Variants in CMSS1 observed in about 807,000 individuals in gnomAD.
CMSS1 encodes the protein protein CMSS1.
Under a neutral mutation model 43.5 loss-of-function variants are expected in CMSS1, and 33 were observed. The observed-to-expected ratio is 0.76, with a 90% CI of 0.57 to 1.01. The LOEUF (loss-of-function observed/expected upper bound fraction) is 1.01. Among genes scored for constraint, CMSS1 ranks in the 50% least tolerant of loss-of-function variants. CMSS1 has a pLI of 0.00. For missense variants in CMSS1, 313 were observed against 326.4 expected (o/e 0.96, Z 0.32); for synonymous variants, 115 against 117.2 (o/e 0.98, Z 0.12).
chr3:99,966,155 T>C (rs1708645184), intron 1 of CMSS1, among the ~76,000 whole-genome samples: 1 of 152,164 alleles, frequency 6.6e-6, no homozygotes, highest in Non-Finnish European at 1.5e-5. Flanking sequence ...TGTTCACAAC[T>C]TGTAGGTGAG....
chr3:99,938,126 T>G (rs529521381), intron 1 of CMSS1, among the ~76,000 whole-genome samples: 1 of 152,244 alleles, frequency 6.6e-6, no homozygotes, highest in African/African-American at 2.4e-5. Context: ...GGAAGAAATG[T>G]TAGATCCACG....
At chr3:100,047,574 A>G (rs2065297612) in intron 1 of CMSS1, among the ~76,000 whole-genome samples, 1 of 152,242 alleles carries the variant, frequency 6.6e-6, no homozygotes, top group Non-Finnish European at 1.5e-5. Context: ...TGGTATTACC[A>G]CATGTAAATT....
At chr3:100,091,378 A>G (rs2066106760) in intron 1 of CMSS1, among the ~76,000 whole-genome samples, 1 of 152,236 alleles carries the variant, frequency 6.6e-6, no homozygotes, top group Non-Finnish European at 1.5e-5. Context: ...TTCCAAAACA[A>G]AATGTTTTAA....
intron 1 of CMSS1, among the ~76,000 whole-genome samples, chr3:99,990,269 A>C (rs1378360743): frequency 6.6e-6 from 1 of 152,178 alleles, no homozygotes; most frequent in Non-Finnish European, 1.5e-5. Flanking sequence ...AGAGATAGAC[A>C]TTCTGTTTCT....
chr3:100,177,551 T>C (rs1216383070), intron 9 of CMSS1, among the ~76,000 whole-genome samples: 1 of 152,258 alleles, frequency 6.6e-6, no homozygotes, highest in Admixed American at 6.5e-5. Flanking sequence ...CTATTGTATA[T>C]AATCTTGTTT....
At chr3:99,961,473 A>C (rs1201506370) in intron 1 of CMSS1, among the ~76,000 whole-genome samples, 1 of 152,174 alleles carries the variant, frequency 6.6e-6, no homozygotes, top group Non-Finnish European at 1.5e-5. Flanking sequence ...TCAGAATCTT[A>C]ACTTTGCAAG....
intron 1 of CMSS1, among the ~76,000 whole-genome samples, chr3:100,139,597 GTATATATGTGTGTGTGTA>G (rs1249260734): frequency 1.3e-4 from 15 of 117,060 alleles, no homozygotes; most frequent in African/African-American, 5.1e-4. Flanking sequence ...ATATGTGTGT[GTATATATGTGTGTGTGTA>G]TATATATATA....
chr3:100,103,810 T>C (rs2066349101), intron 1 of CMSS1, among the ~76,000 whole-genome samples: 1 of 152,162 alleles, frequency 6.6e-6, no homozygotes, highest in East Asian at 1.9e-4. Flanking sequence ...TTAAGATAAA[T>C]CTGTCTGTGT....
chr3:99,843,657 G>A (rs1176561811), intron 1 of CMSS1, among the ~76,000 whole-genome samples: 1 of 152,134 alleles, frequency 6.6e-6, no homozygotes, highest in Non-Finnish European at 1.5e-5. Flanking sequence ...CCTTAAACAT[G>A]CTCAGAGAAC....
chr3:99,848,465 T>C, intron 1 of CMSS1: 1 of 1,614,192 alleles, frequency 6.2e-7, no homozygotes, highest in Non-Finnish European at 8.5e-7. Context: ...ACAGCTTGCA[T>C]GTAAGGACTT....
intron 1 of CMSS1, among the ~76,000 whole-genome samples, chr3:99,869,971 G>A (rs2107579037): frequency 6.6e-6 from 1 of 152,116 alleles, no homozygotes; most frequent in Non-Finnish European, 1.5e-5. Context: ...CTACAGCTGT[G>A]TTCATCTTTT....
intron 6 of CMSS1, among the ~76,000 whole-genome samples, 190 bp downstream of exon 6, chr3:100,168,030 A>T (rs1295982065): frequency 6.6e-6 from 1 of 152,230 alleles, no homozygotes; most frequent in Non-Finnish European, 1.5e-5. Context: ...AAGTACATTG[A>T]TAAGTTATGT....
At chr3:100,099,581 T>A (rs2066269255) in intron 1 of CMSS1, among the ~76,000 whole-genome samples, 1 of 152,212 alleles carries the variant, frequency 6.6e-6, no homozygotes, top group Non-Finnish European at 1.5e-5. Flanking sequence ...CTCATTTCCC[T>A]GTTTACACAG....
chr3:99,933,616 A>T (rs867115737), intron 1 of CMSS1, among the ~76,000 whole-genome samples: 5 of 152,166 alleles, frequency 3.3e-5, no homozygotes, highest in Non-Finnish European at 7.3e-5. Flanking sequence ...GAATATCCTT[A>T]CTCTGGGCTA....
intron 1 of CMSS1, among the ~76,000 whole-genome samples, chr3:100,052,277 T>A (rs960604668): frequency 7.2e-5 from 11 of 152,202 alleles, no homozygotes; most frequent in African/African-American, 2.7e-4. Flanking sequence ...CATGGCACAG[T>A]CCAGAAACGA....
At chr3:100,174,763 A>G (rs2067135787) in intron 8 of CMSS1, among the ~76,000 whole-genome samples, 1 of 152,216 alleles carries the variant, frequency 6.6e-6, no homozygotes, top group South Asian at 2.1e-4. Flanking sequence ...ATTGAAAGAT[A>G]TCCCATGACA....
chr3:99,902,261 A>G (rs1440105072), intron 1 of CMSS1, among the ~76,000 whole-genome samples: 1 of 152,220 alleles, frequency 6.6e-6, no homozygotes, highest in African/African-American at 2.4e-5. Context: ...CTTGACAACC[A>G]AAAGTATGAG....
chr3:99,907,862 A>T (rs1706671124), intron 1 of CMSS1, among the ~76,000 whole-genome samples: 1 of 152,026 alleles, frequency 6.6e-6, no homozygotes. Context: ...TTTTTCCACC[A>T]CCTGAATGCT....
chr3:99,930,103 T>C, intron 1 of CMSS1: 1 of 1,226,314 alleles, frequency 8.2e-7, no homozygotes, highest in Non-Finnish European at 1.1e-6. Flanking sequence ...TTTGTGATAG[T>C]TGGCAGTGCT....
Sources: gnomAD v4.1 joint callset for allele counts (sites outside exome capture counted in the v4.1 genomes callset) on GRCh38, gnomAD v4.1.1 for gene constraint, MANE v1.5 for transcripts, NCBI Gene and HGNC (gene_info 2026-07-23, HGNC 2026-07-21) for gene names.